Variants in FRAS1 observed in about 807,000 individuals in gnomAD.
FRAS1 encodes the protein Fraser extracellular matrix complex subunit 1, also known as extracellular matrix organizing protein FRAS1.
FRAS1 carries 290 observed loss-of-function variants against 435.2 expected under a neutral mutation model. That is an observed-to-expected ratio of 0.67 (90% CI 0.61 to 0.73). FRAS1 has a LOEUF of 0.73. FRAS1 is among the 30% of genes least tolerant of loss of function. FRAS1 has a pLI of 0.00. For missense variants in FRAS1, 4,860 were observed against 5,001.5 expected (o/e 0.97, Z 0.85); for synonymous variants, 1,800 against 1,851.0 (o/e 0.97, Z 0.71).
chr4:78,169,362 G>A (rs1721459646), intron 2 of FRAS1, among the ~76,000 whole-genome samples: 1 of 152,040 alleles, frequency 6.6e-6, no homozygotes, highest in Non-Finnish European at 1.5e-5. Context: ...GGCTGGCGCA[G>A]GGGATGGCAT....
At chr4:78,430,501 G>C in intron 37 of FRAS1, 84 bp downstream of exon 37, 1 of 1,398,868 alleles carries the variant, frequency 7.1e-7, no homozygotes, top group Non-Finnish European at 9.7e-7. Context: ...TCTCAGACGA[G>C]AGCAAAGCGT....
At chr4:78,464,166 C>T in intron 48 of FRAS1, 21 bp downstream of exon 48, 4 of 1,595,894 alleles carry the variant, frequency 2.5e-6, no homozygotes, top group Non-Finnish European at 2.6e-6. Context: ...CACTGAACTC[C>T]ATCCTTGAAA....
intron 38 of FRAS1, among the ~76,000 whole-genome samples, chr4:78,434,376 T>G (rs1346316400): frequency 6.6e-6 from 1 of 152,200 alleles, no homozygotes; most frequent in African/African-American, 2.4e-5. Context: ...TGGATGGATC[T>G]TAATCCAAGC....
chr4:78,251,948 G>T (rs1725551905), intron 4 of FRAS1, among the ~76,000 whole-genome samples: 1 of 151,894 alleles, frequency 6.6e-6, no homozygotes, highest in Admixed American at 6.6e-5. Flanking sequence ...ACAGAAAGGG[G>T]GGAGTGGAAT....
At chr4:78,380,387 G>T (rs994532863) in intron 27 of FRAS1, among the ~76,000 whole-genome samples, 1 of 152,096 alleles carries the variant, frequency 6.6e-6, no homozygotes, top group East Asian at 1.9e-4. Context: ...TCAAGGTGTT[G>T]TATGGTCTCT....
At chr4:78,305,794 G>C (rs1360461958) in intron 14 of FRAS1, among the ~76,000 whole-genome samples, 1 of 151,756 alleles carries the variant, frequency 6.6e-6, no homozygotes, top group Non-Finnish European at 1.5e-5. Flanking sequence ...ATAGCACACT[G>C]ATGGGTCCTG....
intron 2 of FRAS1, among the ~76,000 whole-genome samples, chr4:78,089,607 C>G (rs1443093805): frequency 6.6e-6 from 1 of 151,998 alleles, no homozygotes; most frequent in Non-Finnish European, 1.5e-5. Flanking sequence ...GATTTAAACT[C>G]CAGGTCCCTT....
At chr4:78,191,787 C>A (rs997038511) in intron 2 of FRAS1, among the ~76,000 whole-genome samples, 3 of 151,768 alleles carry the variant, frequency 2.0e-5, no homozygotes, top group African/African-American at 7.3e-5. Context: ...TGAGAACATG[C>A]GGTATTTGGT....
At chr4:78,218,098 T>TCTCTCACACA (rs368430185) in intron 2 of FRAS1, among the ~76,000 whole-genome samples, 19 of 39,728 alleles carry the variant, frequency 4.8e-4, no homozygotes, top group African/African-American at 1.7e-3. Flanking sequence ...TCACTCTCTC[T>TCTCTCACACA]CACACACACA....
chr4:78,236,739 G>A (rs1268852230), intron 2 of FRAS1, among the ~76,000 whole-genome samples: 1 of 152,124 alleles, frequency 6.6e-6, no homozygotes, highest in Non-Finnish European at 1.5e-5. Flanking sequence ...TGAGAAATAG[G>A]GAAGGAATTT....
At chr4:78,086,951 C>G (rs956376175) in intron 2 of FRAS1, among the ~76,000 whole-genome samples, 2 of 152,094 alleles carry the variant, frequency 1.3e-5, no homozygotes, top group Non-Finnish European at 2.9e-5. Context: ...GATACCAAAG[C>G]CTGGCAGAGA....
In FRAS1 at chr4:78,381,233, A is replaced by T. The variant is rs1446153426; in HGVS notation, c.3563+1237A>T. Among the ~76,000 whole-genome samples the T allele has an allele frequency of 3.9e-5, 6 of 152,188 alleles. No individual in the cohort carries two copies. The East Asian group carries it at 7.7e-4, about 20-fold the overall frequency. ...AAGTATTGCTACAGAGATGGAGCTTAAAACTCTGGTGTTTGATGCCATAGA... is the reference window on the plus strand; with the variant it reads ...AAGTATTGCTACAGAGATGGAGCTTTAAACTCTGGTGTTTGATGCCATAGA... On this transcript the variant is annotated intron_variant, in intron 27 of 73. Transcript: ENST00000512123.
At chr4:78,389,695 C>T (rs1732369652) in intron 29 of FRAS1, among the ~76,000 whole-genome samples, 1 of 152,202 alleles carries the variant, frequency 6.6e-6, no homozygotes. Flanking sequence ...ATTTCAGTGC[C>T]ACCCTAGCAG....
At chr4:78,092,687 T>A (rs1193290193) in intron 2 of FRAS1, among the ~76,000 whole-genome samples, 2 of 152,204 alleles carry the variant, frequency 1.3e-5, no homozygotes, top group Non-Finnish European at 2.9e-5. Context: ...AGTGGTGCCG[T>A]TCTTTGAGCT....
chr4:78,408,134 A>G (rs1733177546), intron 31 of FRAS1, among the ~76,000 whole-genome samples: 1 of 152,196 alleles, frequency 6.6e-6, no homozygotes, highest in African/African-American at 2.4e-5. Flanking sequence ...GAGCCAAGTG[A>G]AAAGGGAAAC....
chr4:78,096,338 G>A (rs1741807229), intron 2 of FRAS1, among the ~76,000 whole-genome samples: 1 of 152,164 alleles, frequency 6.6e-6, no homozygotes, highest in Non-Finnish European at 1.5e-5. Flanking sequence ...TCAGGCAAAT[G>A]GTGCAAGCTG....
At chr4:78,480,310 T>G (rs1719972926) in intron 56 of FRAS1, among the ~76,000 whole-genome samples, 1 of 152,084 alleles carries the variant, frequency 6.6e-6, no homozygotes, top group African/African-American at 2.4e-5. Context: ...TTATGCTAAG[T>G]GAAATAAGCC....
chr4:78,479,803 G>A lies in FRAS1; in HGVS notation c.8443+85G>A, dbSNP rs74328368. 6,287 of 1,074,670 alleles carry A rather than the reference G, an allele frequency of 5.9e-3. 266 individuals are homozygous for A. The African/African-American group carries it at 0.085, about 14-fold the overall frequency. The allele number at this position is 1,074,670 out of a possible 1,614,324, so 66.6% of individuals were successfully genotyped here. A position where few individuals can be genotyped will look rare whatever the true frequency, so the allele number is the denominator to read the frequency against. On this transcript the variant is annotated intron_variant, in intron 56 of 73. Transcript: ENST00000512123. ...TTTCTCCTTAGGTTTCAGAATATCCGGGAGACATTGAGAATGCCATTCCTC... is the reference window on the plus strand; with the variant it reads ...TTTCTCCTTAGGTTTCAGAATATCCAGGAGACATTGAGAATGCCATTCCTC...
chr4:78,212,323 C>T (rs567472085), intron 2 of FRAS1, among the ~76,000 whole-genome samples: 61 of 152,248 alleles, frequency 4.0e-4, no homozygotes, highest in African/African-American at 1.2e-3. Context: ...ATCGTCTTCC[C>T]TTTCTGTAGG....
Sources: gnomAD v4.1 joint callset for allele counts (sites outside exome capture counted in the v4.1 genomes callset) on GRCh38, gnomAD v4.1.1 for gene constraint, MANE v1.5 for transcripts, NCBI Gene and HGNC (gene_info 2026-07-23, HGNC 2026-07-21) for gene names.